Variants in WSCD2 observed in about 807,000 individuals in gnomAD.
The protein encoded by WSCD2 is WSC domain sialate O sulfotransferase 2, also known as sialate:O-sulfotransferase 2.
Under a neutral mutation model 55.7 loss-of-function variants are expected in WSCD2, and 28 were observed. The ratio of observed to expected loss-of-function variants is 0.50; its 90% CI spans 0.37 to 0.69. The LOEUF is 0.69. Among genes scored for constraint, WSCD2 ranks in the 30% least tolerant of loss-of-function variants. The pLI, the probability that WSCD2 is intolerant of heterozygous loss-of-function variation, is 0.00. For synonymous variants in WSCD2, 301 were observed against 301.9 expected, an observed-to-expected ratio of 1.00 and a Z score of 0.03; for missense variants, 616 against 762.1, an observed-to-expected ratio of 0.81 and a Z score of 2.26.
At chr12:108,196,679 A>G (rs1252916902) in intron 2 of WSCD2, among the ~76,000 whole-genome samples, 1 of 152,192 alleles carries the variant, frequency 6.6e-6, no homozygotes, top group Non-Finnish European at 1.5e-5. Flanking sequence ...AGAGCACAAG[A>G]TTACACAGCT....
chr12:108,140,561 G>C (rs1159187481), intron 1 of WSCD2, among the ~76,000 whole-genome samples: 1 of 152,178 alleles, frequency 6.6e-6, no homozygotes, highest in Non-Finnish European at 1.5e-5. Context: ...AAACCTGTGT[G>C]TCACTCAAAA....
chr12:108,174,528 A>G (rs1400589856), intron 1 of WSCD2, among the ~76,000 whole-genome samples: 2 of 152,200 alleles, frequency 1.3e-5, no homozygotes, highest in Non-Finnish European at 2.9e-5. Flanking sequence ...AGTGTCCTCC[A>G]AACCAAGAAA....
intron 1 of WSCD2, among the ~76,000 whole-genome samples, chr12:108,193,572 G>T (rs1883471245): frequency 6.6e-6 from 1 of 151,702 alleles, no homozygotes; most frequent in Non-Finnish European, 1.5e-5. Context: ...ATGAATAGAT[G>T]GGTAGGTGAA....
intron 4 of WSCD2, 95 bp from the exon 5 acceptor site, chr12:108,224,644 T>G: frequency 2.0e-6 from 3 of 1,508,374 alleles, no homozygotes; most frequent in Non-Finnish European, 1.8e-6. Context: ...TGGGCAAGAC[T>G]CTTGCCTTCT....
intron 2 of WSCD2, among the ~76,000 whole-genome samples, chr12:108,201,318 C>A (rs1884640507): frequency 1.3e-5 from 2 of 152,172 alleles, no homozygotes; most frequent in African/African-American, 2.4e-5. Flanking sequence ...CTTCCATTTT[C>A]ACATGACCAT....
intron 1 of WSCD2, among the ~76,000 whole-genome samples, chr12:108,182,037 CAA>C (rs1881838480): frequency 6.6e-6 from 1 of 152,204 alleles, no homozygotes; most frequent in South Asian, 2.1e-4. Context: ...GATTCCAGCT[CAA>C]GTCTAACTGA....
intron 2 of WSCD2, among the ~76,000 whole-genome samples, chr12:108,202,820 T>C (rs1367694956): frequency 2.6e-5 from 4 of 152,154 alleles, no homozygotes; most frequent in African/African-American, 9.7e-5. Flanking sequence ...TTTACCTATA[T>C]AACAAACCTG....
At position 108,249,929 on chromosome 12, in the gene WSCD2, T is replaced by C. The variant is rs1192619011; in HGVS notation, c.*1586T>C. The C allele has an allele frequency of 6.6e-6, 1 of 152,002 alleles. No homozygotes were observed. Among genetic ancestry groups the C allele is most frequent in the Non-Finnish European group, 1.5e-5 (1 of 67,948 alleles). The allele number at this position is 152,002 out of a possible 1,614,324, so 9.4% of individuals were successfully genotyped here. On this transcript the variant is annotated 3_prime_UTR_variant, in exon 9 of 9. Coordinates refer to ENST00000547525, the MANE Select transcript of WSCD2 (RefSeq NM_014653.4). ...CCGTGTTTCTTTCCCCCAGGAGAAT[T>C]TTTAGTCTTCTTTCATGAAGCAGTG...
At chr12:108,228,606 G>A (rs972776520) in intron 6 of WSCD2, among the ~76,000 whole-genome samples, 4 of 152,220 alleles carry the variant, frequency 2.6e-5, no homozygotes, top group African/African-American at 9.7e-5. Flanking sequence ...CACTGGCACA[G>A]CCAACAGAAA....
intron 1 of WSCD2, among the ~76,000 whole-genome samples, chr12:108,132,173 C>T (rs1000403265): frequency 2.0e-5 from 3 of 152,038 alleles, no homozygotes; most frequent in Non-Finnish European, 1.5e-5. Flanking sequence ...TGGGTTGCCC[C>T]GGGTTTATGC....
At chr12:108,143,989 T>A (rs1389763249) in intron 1 of WSCD2, among the ~76,000 whole-genome samples, 1 of 152,058 alleles carries the variant, frequency 6.6e-6, no homozygotes, top group Non-Finnish European at 1.5e-5. Flanking sequence ...GGGGCACAGC[T>A]TCTCCCAGCC....
At position 108,249,759 on chromosome 12, in the gene WSCD2, A is replaced by G. The variant is rs953121262; in HGVS notation, c.*1416A>G. ...AGAGATATATTTTTGTAAGAGGAATATGATTAATACATTCCGCCCCTTGGA... is the reference window on the plus strand; with the variant it reads ...AGAGATATATTTTTGTAAGAGGAATGTGATTAATACATTCCGCCCCTTGGA... On this transcript the variant is annotated 3_prime_UTR_variant, in exon 9 of 9. Coordinates refer to ENST00000547525, the MANE Select transcript of WSCD2 (RefSeq NM_014653.4). 2 of 152,682 alleles carry G rather than the reference A, an allele frequency of 1.3e-5. No homozygotes were observed. The highest frequency in any genetic ancestry group is 4.8e-5 in the African/African-American group (2 of 41,476). 9.5% of individuals were successfully genotyped at this position (152,682 alleles called of 1,614,324 possible). A position where few individuals can be genotyped will look rare whatever the true frequency, so the allele number is the denominator to read the frequency against.
At chr12:108,145,183 C>T (rs1877256443) in intron 1 of WSCD2, among the ~76,000 whole-genome samples, 1 of 152,186 alleles carries the variant, frequency 6.6e-6, no homozygotes, top group African/African-American at 2.4e-5. Context: ...ATACTGTGCC[C>T]TTGCCCAGCA....
In WSCD2 at chr12:108,227,100, C is replaced by T. The variant is rs1335491500; in HGVS notation, c.915C>T (p.Ser305=). 8 of 1,614,084 alleles carry T rather than the reference C, an allele frequency of 5.0e-6. No homozygotes were observed. Among genetic ancestry groups the T allele is most frequent in the African/African-American group, 2.7e-5 (2 of 74,930 alleles). ...AGCAGCTCTGTGCCCAGAAGTGCAG[C>T]GCGGAGGAGTTTGAGAGCTGCGGGA... is the stretch of plus-strand genomic sequence containing the variant. ...EDEQLCAQKC[S]AEEFESCGTP... is the part of the protein sequence containing the mutation. The change falls in exon 6 of 9, where the codon AGC becomes AGT. Residue 305 remains serine, a synonymous_variant. Coordinates refer to ENST00000547525, the MANE Select transcript of WSCD2 (RefSeq NM_014653.4).
At chr12:108,162,342 C>T (rs920984712) in intron 1 of WSCD2, among the ~76,000 whole-genome samples, 5 of 152,138 alleles carry the variant, frequency 3.3e-5, no homozygotes, top group Admixed American at 2.6e-4. Context: ...TTCAGACTCA[C>T]GGGTGGAATA....
intron 2 of WSCD2, among the ~76,000 whole-genome samples, chr12:108,200,092 T>G (rs117733170): frequency 2.0e-5 from 3 of 152,228 alleles, no homozygotes; most frequent in African/African-American, 4.8e-5. Context: ...TCTATTTCCA[T>G]GAGATTACAG....
intron 1 of WSCD2, among the ~76,000 whole-genome samples, chr12:108,135,288 C>A (rs916043364): frequency 6.6e-6 from 1 of 152,206 alleles, no homozygotes; most frequent in African/African-American, 2.4e-5. Context: ...AAATGAGAGA[C>A]CCCAGCTCTG....
intron 3 of WSCD2, among the ~76,000 whole-genome samples, chr12:108,206,683 C>A (rs920397178): frequency 7.9e-5 from 12 of 152,204 alleles, no homozygotes; most frequent in African/African-American, 2.7e-4. Context: ...ACAGGGTCAG[C>A]TAGCTGTGTT....
chr12:108,206,460 A>T, intron 3 of WSCD2, 57 bp downstream of exon 3: 1 of 1,542,446 alleles, frequency 6.5e-7, no homozygotes, highest in Non-Finnish European at 8.9e-7. Context: ...TCAGATTCCC[A>T]CCTGTGGTAT....
Sources: allele counts gnomAD v4.1 joint callset (sites outside exome capture counted in the v4.1 genomes callset), GRCh38; gene constraint gnomAD v4.1.1; transcripts MANE v1.5; gene names NCBI Gene and HGNC (gene_info 2026-07-23, HGNC 2026-07-21).